Variants in YEATS2 observed in about 807,000 individuals in gnomAD.
YEATS2 encodes the protein YEATS domain-containing protein 2.
Under a neutral mutation model 163.2 loss-of-function variants are expected in YEATS2, and 77 were observed. That is an observed-to-expected ratio of 0.47 (90% CI 0.39 to 0.57). The LOEUF (loss-of-function observed/expected upper bound fraction) is 0.57, where lower values mean the gene tolerates loss of function less well. Among genes scored for constraint, YEATS2 ranks in the 20% least tolerant of loss-of-function variants. The probability of loss-of-function intolerance (pLI) is 0.00; values close to 1 mark genes in which losing one functional copy is unlikely to be tolerated. For synonymous variants in YEATS2, 631 were observed against 645.1 expected (o/e 0.98, Z 0.33); for missense variants, 1,549 against 1,729.8 (o/e 0.90, Z 1.85).
intron 19 of YEATS2, among the ~76,000 whole-genome samples, chr3:183,781,239 A>T (rs796855829): frequency 7.9e-5 from 12 of 152,234 alleles, no homozygotes; most frequent in African/African-American, 2.9e-4. Flanking sequence ...ATTCAGTCTG[A>T]CTACAAAGGC....
Position 183,761,600 on chromosome 3 carries a change from G to C in YEATS2, c.1750G>C (p.Gly584Arg). 6.2e-7 allele frequency: 1 copy of C among 1,614,064 alleles called. No individual in the cohort carries two copies. Among genetic ancestry groups the C allele is most frequent in the Non-Finnish European group, 8.5e-7 (1 of 1,179,946 alleles). The change falls in exon 14 of 31, where the codon GGA (glycine) becomes CGA (arginine). Residue 584 changes from glycine (G) to arginine (R), a missense_variant. Transcript: ENST00000305135. ...CCCCAAACCTATAACAGGAGGACTT[G>C]GAGCTTTCACAAAAGTGAGTATGTA... ...QSPKPITGGL[G>R]AFTKVIIKQE...
intron 2 of YEATS2, among the ~76,000 whole-genome samples, chr3:183,716,413 G>A (rs1715885589): frequency 6.6e-6 from 1 of 152,168 alleles, no homozygotes; most frequent in African/African-American, 2.4e-5. Context: ...AGTGGAAATG[G>A]TGAAGAAAAT....
At chr3:183,712,412 T>A (rs940363472) in intron 1 of YEATS2, among the ~76,000 whole-genome samples, 1 of 151,784 alleles carries the variant, frequency 6.6e-6, no homozygotes, top group Non-Finnish European at 1.5e-5. Flanking sequence ...GGTTTCACCA[T>A]GTTGGCCAGC....
At chr3:183,806,792 TG>T in intron 27 of YEATS2, 73 bp from the exon 28 acceptor site, 1 of 1,505,828 alleles carries the variant, frequency 6.6e-7, no homozygotes, top group Non-Finnish European at 9.1e-7. Flanking sequence ...CCTCAGACCA[TG>T]GGTCTCTTGG....
intron 6 of YEATS2, among the ~76,000 whole-genome samples, chr3:183,727,564 G>C (rs1336979450): frequency 6.6e-6 from 1 of 152,194 alleles, no homozygotes; most frequent in East Asian, 1.9e-4. Context: ...TCAAGAGCTA[G>C]GCTGGGCAAC....
chr3:183,754,437 A>C (rs989934725), intron 11 of YEATS2, 72 bp downstream of exon 11: 21 of 1,519,212 alleles, frequency 1.4e-5, no homozygotes, highest in Non-Finnish European at 1.7e-5. Flanking sequence ...AACAAAACAA[A>C]ATACTTGGCT....
chr3:183,742,581 C>G (rs934218690), intron 8 of YEATS2, among the ~76,000 whole-genome samples: 5 of 152,192 alleles, frequency 3.3e-5, no homozygotes, highest in Admixed American at 1.3e-4. Flanking sequence ...TTGCTTCTTA[C>G]GGATAAGCAA....
intron 18 of YEATS2, 103 bp downstream of exon 18, chr3:183,776,226 C>A: frequency 8.6e-7 from 1 of 1,156,684 alleles, no homozygotes; most frequent in Non-Finnish European, 1.2e-6. Flanking sequence ...GGGTTCAATA[C>A]TAACACCTTA....
rs2109416321 is a variant in YEATS2 at position 183,770,958 on chromosome 3, C to CA, written c.1948-1346dup. Among the ~76,000 whole-genome samples, 3 of 152,352 alleles carry CA rather than the reference C, an allele frequency of 2.0e-5. No individual in the cohort carries two copies. In the East Asian group the frequency reaches 5.8e-4, roughly 29 times the overall value. Reference sequence around the variant, plus strand: ...ATGCTGCAGACATTAAGGTTGCTAACAGTTTTTGGTAAAAATAATGCTATG... The same window carrying CA: ...ATGCTGCAGACATTAAGGTTGCTAACAAGTTTTTGGTAAAAATAATGCTATG... On this transcript the variant is annotated intron_variant, in intron 15 of 30. Coordinates refer to ENST00000305135, the MANE Select transcript of YEATS2 (RefSeq NM_018023.5).
intron 8 of YEATS2, among the ~76,000 whole-genome samples, chr3:183,737,453 A>T (rs1718461040): frequency 6.6e-6 from 1 of 152,212 alleles, no homozygotes; most frequent in African/African-American, 2.4e-5. Flanking sequence ...ATCACTTTAG[A>T]GGACAATGCA....
intron 15 of YEATS2, among the ~76,000 whole-genome samples, chr3:183,766,117 A>G (rs977765945): frequency 2.0e-5 from 3 of 152,190 alleles, no homozygotes; most frequent in Admixed American, 6.5e-5. Context: ...GTAGTTCCAT[A>G]TGGGAAGGAA....
At chr3:183,711,812 G>A (rs1577036927) in intron 1 of YEATS2, among the ~76,000 whole-genome samples, 1 of 140,176 alleles carries the variant, frequency 7.1e-6, no homozygotes, top group Non-Finnish European at 1.5e-5. Flanking sequence ...TTTAAATAGT[G>A]TGTTTTTTTT....
chr3:183,722,202 G>A lies in YEATS2; in HGVS notation c.537+66G>A, dbSNP rs12495846. ...GGGAACTATATTTACTAAAGTATGC[G>A]CTTGTTATCTCACTGAACTGTCACA... On this transcript the variant is annotated intron_variant, in intron 5 of 30. Coordinates refer to ENST00000305135, the MANE Select transcript of YEATS2 (RefSeq NM_018023.5). 1,811 of 1,520,650 alleles carry A rather than the reference G, an allele frequency of 1.2e-3. 7 individuals carry two copies. Among genetic ancestry groups the A allele is most frequent in the Admixed American group, 1.2e-3 (60 of 48,674 alleles). 94.2% of individuals were successfully genotyped at this position (1,520,650 alleles called of 1,614,324 possible).
At chr3:183,757,819 G>A in intron 12 of YEATS2, among the ~76,000 whole-genome samples, 1 of 149,312 alleles carries the variant, frequency 6.7e-6, no homozygotes, top group Non-Finnish European at 1.5e-5. Context: ...TTGTAATTGT[G>A]GAATGCCCTT....
At chr3:183,738,237 G>A (rs1049531360) in intron 8 of YEATS2, among the ~76,000 whole-genome samples, 2 of 150,974 alleles carry the variant, frequency 1.3e-5, no homozygotes, top group Non-Finnish European at 3.0e-5. Context: ...TAGTTTCCAA[G>A]TGTTGAAGTA....
At chr3:183,712,088 G>A (rs1386775953) in intron 1 of YEATS2, among the ~76,000 whole-genome samples, 1 of 151,620 alleles carries the variant, frequency 6.6e-6, no homozygotes, top group African/African-American at 2.4e-5. Context: ...AAAGTGCTGG[G>A]ATTACAGGCA....
intron 11 of YEATS2, among the ~76,000 whole-genome samples, chr3:183,755,442 G>A (rs1439592330): frequency 6.6e-6 from 1 of 152,166 alleles, no homozygotes; most frequent in Non-Finnish European, 1.5e-5. Context: ...TACCTACCAG[G>A]TAGAAAAATT....
intron 30 of YEATS2, chr3:183,810,263 C>T: frequency 8.1e-6 from 4 of 492,038 alleles, no homozygotes; most frequent in Non-Finnish European, 1.5e-5. Flanking sequence ...ATCTTTTTTC[C>T]TAATTATTCA....
In YEATS2 at chr3:183,758,936, G is replaced by A. The variant is rs370579078; in HGVS notation, c.1627G>A (p.Gly543Arg). The change falls in exon 13 of 31, where the codon GGA becomes AGA. Residue 543 changes from glycine to arginine, a missense_variant. Transcript: ENST00000305135. Reference protein sequence around the residue: ...GTGSPVPKIHGSSFVTSTVKQ... With the variant: ...GTGSPVPKIHRSSFVTSTVKQ... ...AGGTTCCCCTGTTCCTAAAATTCATGGAAGTAGTTTTGTAACATCTACTGT... is the reference window on the plus strand; with the variant it reads ...AGGTTCCCCTGTTCCTAAAATTCATAGAAGTAGTTTTGTAACATCTACTGT... 3.2e-5 allele frequency: 51 copies of A among 1,590,554 alleles called. No individual in the cohort carries two copies. The African/African-American group carries it at 6.8e-4, about 21-fold the overall frequency.
Sources: allele counts gnomAD v4.1 joint callset (sites outside exome capture counted in the v4.1 genomes callset), GRCh38; gene constraint gnomAD v4.1.1; transcripts MANE v1.5; gene names NCBI Gene and HGNC (gene_info 2026-07-23, HGNC 2026-07-21).